The following NUDCD1 variants were observed in gnomAD, a reference collection of about 807,000 sequenced individuals.
NUDCD1 encodes the protein nudC domain-containing protein 1.
In NUDCD1, 60 loss-of-function variants were observed where a neutral mutation model predicts 67.8. The ratio of observed to expected loss-of-function variants is 0.88; its 90% CI spans 0.72 to 1.10. The LOEUF is 1.10. NUDCD1 is among the 50% of genes least tolerant of loss of function. NUDCD1 has a pLI of 0.00. For missense variants in NUDCD1, 643 were observed against 695.0 expected, an observed-to-expected ratio of 0.93 and a Z score of 0.84; for synonymous variants, 244 against 230.8, an observed-to-expected ratio of 1.06 and a Z score of -0.52.
chr8:109,251,735 T>C (rs1365123607), intron 8 of NUDCD1, among the ~76,000 whole-genome samples: 1 of 152,068 alleles, frequency 6.6e-6, no homozygotes, highest in African/African-American at 2.4e-5. Context: ...TTCTCTATTA[T>C]TTCCTTCTTT....
At chr8:109,263,333 G>A (rs1386855236) in intron 8 of NUDCD1, among the ~76,000 whole-genome samples, 4 of 152,110 alleles carry the variant, frequency 2.6e-5, no homozygotes, top group Non-Finnish European at 2.9e-5. Context: ...GATCATTATA[G>A]CAGATTCAAG....
intron 5 of NUDCD1, among the ~76,000 whole-genome samples, chr8:109,288,506 C>T (rs1039970757): frequency 1.3e-5 from 2 of 152,112 alleles, no homozygotes. Context: ...ACGAATCCCA[C>T]ATGAGAAAAC....
intron 7 of NUDCD1, among the ~76,000 whole-genome samples, chr8:109,275,048 T>C (rs990717528): frequency 7.9e-5 from 12 of 152,132 alleles, no homozygotes; most frequent in Admixed American, 7.9e-4. Flanking sequence ...CCTACCAGCA[T>C]TGGTCAGTTG....
chr8:109,244,114 C>T (rs767465101), intron 9 of NUDCD1, among the ~76,000 whole-genome samples: 43 of 151,460 alleles, frequency 2.8e-4, no homozygotes, highest in Non-Finnish European at 5.6e-4. Flanking sequence ...AAATTGAGAT[C>T]TCATCAAACA....
At chr8:109,327,310 A>T (rs1815700809) in intron 1 of NUDCD1, among the ~76,000 whole-genome samples, 1 of 152,206 alleles carries the variant, frequency 6.6e-6, no homozygotes, top group African/African-American at 2.4e-5. Flanking sequence ...TATTTTCCCC[A>T]TCTTTTCCTC....
At chr8:109,260,810 T>C (rs75250377) in intron 8 of NUDCD1, among the ~76,000 whole-genome samples, 3,697 of 152,280 alleles carry the variant, frequency 0.024, 141 homozygotes, top group African/African-American at 0.084. Context: ...TTGATACAAC[T>C]CTCTTTCCTC....
chr8:109,277,233 G>A (rs1814310852), intron 6 of NUDCD1, among the ~76,000 whole-genome samples: 3 of 152,090 alleles, frequency 2.0e-5, no homozygotes, highest in South Asian at 4.1e-4. Flanking sequence ...CTAAGTCCAT[G>A]TTCTTCACTA....
rs570749228 is a variant in NUDCD1 at position 109,248,244 on chromosome 8, T to C, written c.1300-2763A>G. On this transcript the variant is annotated intron_variant, in intron 8 of 9. Transcript: ENST00000239690. ...TCCCCTAGAGCCTCCAGAATGAATG[T>C]AGTCCCTACAAACCACTTTAGGACT... 2.6e-4 allele frequency among the ~76,000 whole-genome samples: 39 copies of C among 152,274 alleles called. No individual in the cohort carries two copies. In the South Asian group the frequency reaches 8.1e-3, roughly 32 times the overall value.
At chr8:109,252,628 C>T (rs568344159) in intron 8 of NUDCD1, among the ~76,000 whole-genome samples, 60 of 152,286 alleles carry the variant, frequency 3.9e-4, no homozygotes, top group Non-Finnish European at 7.6e-4. Flanking sequence ...GTGACAGTTA[C>T]GGGTCACACC....
intron 6 of NUDCD1, among the ~76,000 whole-genome samples, chr8:109,279,513 T>A (rs1814379198): frequency 6.6e-6 from 1 of 152,238 alleles, no homozygotes; most frequent in Non-Finnish European, 1.5e-5. Flanking sequence ...AGATGAATAC[T>A]GTGAATATTT....
intron 8 of NUDCD1, among the ~76,000 whole-genome samples, chr8:109,249,131 G>C (rs539275439): frequency 1.1e-3 from 170 of 152,036 alleles, no homozygotes; most frequent in Non-Finnish European, 2.0e-3. Flanking sequence ...TATAAATATG[G>C]TAACTACTAC....
intron 1 of NUDCD1, among the ~76,000 whole-genome samples, chr8:109,330,617 A>T (rs566932458): frequency 6.6e-6 from 1 of 152,316 alleles, no homozygotes; most frequent in Admixed American, 6.5e-5. Context: ...ACCTCCACAG[A>T]GTCTGAGGTA....
intron 2 of NUDCD1, chr8:109,313,973 A>C (rs1436314960): frequency 5.3e-6 from 2 of 376,580 alleles, no homozygotes; most frequent in African/African-American, 4.2e-5. Context: ...GTTAAAGTGA[A>C]AGCAAACTAA....
chr8:109,296,540 C>T lies in NUDCD1; in HGVS notation c.303G>A (p.Val101=), dbSNP rs763398798. ...LDTALGKPRE[V]FRLPTDLTAC... ...CTGTCAAATCTGTAGGAAGTCGAAA[C>T]ACCTCTCGTGGTTTTCCTAAGGCAG... Residue 101 remains valine (V), a synonymous_variant, in exon 3 of 10, where the codon GTG becomes GTA. Transcript: ENST00000239690. The T allele has an allele frequency of 6.2e-6, 10 of 1,609,120 alleles. No individual in the cohort carries two copies. In the Admixed American group the frequency reaches 6.7e-5, roughly 11 times the overall value.
chr8:109,308,537 A>G (rs1459440634), intron 2 of NUDCD1, among the ~76,000 whole-genome samples: 1 of 152,228 alleles, frequency 6.6e-6, no homozygotes, highest in African/African-American at 2.4e-5. Flanking sequence ...AAGGAAACAA[A>G]AAGTTGGTTC....
intron 8 of NUDCD1, among the ~76,000 whole-genome samples, chr8:109,255,147 T>C (rs957854918): frequency 2.6e-4 from 40 of 152,320 alleles, no homozygotes; most frequent in Middle Eastern, 3.4e-3. Flanking sequence ...CCAAAGTCCA[T>C]TTTATAGCGA....
intron 2 of NUDCD1, among the ~76,000 whole-genome samples, chr8:109,312,530 A>T (rs911157730): frequency 6.6e-6 from 1 of 152,186 alleles, no homozygotes; most frequent in Non-Finnish European, 1.5e-5. Context: ...ACTGTTTGAC[A>T]TGATTCCACT....
In NUDCD1 at chr8:109,319,563, TAAGTA is replaced by T. The variant is rs1815483024; in HGVS notation, c.273+2741_273+2745del. ...GATGACAAAATGGTTACCTAGGACTTAAGTAAAGATTGCAAAGCAGACTGACACTG... is the reference window on the plus strand; with the variant it reads ...GATGACAAAATGGTTACCTAGGACTTAAGATTGCAAAGCAGACTGACACTG... On this transcript the variant is annotated intron_variant, in intron 2 of 9. Transcript: ENST00000239690. Among the ~76,000 whole-genome samples the T allele has an allele frequency of 4.6e-5, 7 of 152,252 alleles. No individual in the cohort carries two copies. The South Asian group carries it at 1.5e-3, about 32-fold the overall frequency.
intron 8 of NUDCD1, among the ~76,000 whole-genome samples, chr8:109,266,392 ATTTTTTTT>A (rs71305931): frequency 1.1e-5 from 1 of 87,508 alleles, no homozygotes. Flanking sequence ...TGCCCGGCTA[ATTTTTTTT>A]TTTTTTTTTT....
Sources: allele counts gnomAD v4.1 joint callset (sites outside exome capture counted in the v4.1 genomes callset), GRCh38; gene constraint gnomAD v4.1.1; transcripts MANE v1.5; gene names NCBI Gene and HGNC (gene_info 2026-07-23, HGNC 2026-07-21).